The following PRMT3 variants were observed in gnomAD, a reference collection of about 807,000 sequenced individuals.
The protein encoded by PRMT3 is protein arginine methyltransferase 3.
Under a neutral mutation model 71.9 loss-of-function variants are expected in PRMT3, and 62 were observed. The ratio of observed to expected loss-of-function variants is 0.86; its 90% confidence interval spans 0.70 to 1.07. The LOEUF (loss-of-function observed/expected upper bound fraction) is 1.07. PRMT3 is among the 50% of genes least tolerant of loss of function. PRMT3 has a pLI of 0.00. For synonymous variants in PRMT3, 213 were observed against 220.4 expected, an observed-to-expected ratio of 0.97 and a Z score of 0.30; for missense variants, 663 against 643.0, an observed-to-expected ratio of 1.03 and a Z score of -0.34.
At chr11:20,453,232 G>T (rs1465760359) in intron 11 of PRMT3, among the ~76,000 whole-genome samples, 1 of 149,508 alleles carries the variant, frequency 6.7e-6, no homozygotes, top group South Asian at 2.1e-4. Flanking sequence ...TGTAATCCCA[G>T]CACTCTGAGA....
At chr11:20,497,495 G>A (rs1213724779) in intron 15 of PRMT3, among the ~76,000 whole-genome samples, 2 of 87,320 alleles carry the variant, frequency 2.3e-5, no homozygotes, top group African/African-American at 7.4e-5. Context: ...AGTTATGGGA[G>A]TATAAAGAAA....
At chr11:20,427,894 G>T (rs973827670) in intron 10 of PRMT3, among the ~76,000 whole-genome samples, 3 of 151,908 alleles carry the variant, frequency 2.0e-5, no homozygotes, top group Non-Finnish European at 4.4e-5. Context: ...AAAAAATTTT[G>T]AAAACATTGA....
At chr11:20,390,002 T>C (rs1185876244) in intron 3 of PRMT3, among the ~76,000 whole-genome samples, 176 bp downstream of exon 3, 2 of 152,052 alleles carry the variant, frequency 1.3e-5, no homozygotes, top group African/African-American at 4.8e-5. Flanking sequence ...AATACAAAAG[T>C]TATCTGGGTG....
chr11:20,473,959 C>T (rs984351147), intron 13 of PRMT3, among the ~76,000 whole-genome samples: 1 of 152,078 alleles, frequency 6.6e-6, no homozygotes, highest in African/African-American at 2.4e-5. Flanking sequence ...TAGGTCCATT[C>T]CAGACCCTAG....
chr11:20,418,162 A>G (rs1479963245), intron 9 of PRMT3, among the ~76,000 whole-genome samples: 1 of 152,192 alleles, frequency 6.6e-6, no homozygotes, highest in Non-Finnish European at 1.5e-5. Context: ...TGGATTAGTG[A>G]AGAGAATTAC....
intron 10 of PRMT3, among the ~76,000 whole-genome samples, chr11:20,439,049 G>T (rs1294416574): frequency 6.6e-6 from 1 of 152,152 alleles, no homozygotes; most frequent in Non-Finnish European, 1.5e-5. Context: ...GAGATGAAGG[G>T]GAGCCATGGC....
At chr11:20,446,299 C>G (rs1850026959) in intron 10 of PRMT3, among the ~76,000 whole-genome samples, 1 of 150,746 alleles carries the variant, frequency 6.6e-6, no homozygotes, top group African/African-American at 2.4e-5. Context: ...TATTTTTTGT[C>G]TTATGAAGTA....
chr11:20,489,769 G>GTT (rs1172524201), intron 13 of PRMT3, among the ~76,000 whole-genome samples: 2 of 144,778 alleles, frequency 1.4e-5, no homozygotes, highest in African/African-American at 5.1e-5. Flanking sequence ...AATTGAAGGG[G>GTT]TTTTTTTTTT....
At chr11:20,475,691 T>C (rs1850765647) in intron 13 of PRMT3, among the ~76,000 whole-genome samples, 1 of 150,216 alleles carries the variant, frequency 6.7e-6, no homozygotes, top group Admixed American at 6.7e-5. Context: ...TCTAGCTCTG[T>C]CTTCTGGGCT....
At chr11:20,404,489 C>G (rs908809746) in intron 8 of PRMT3, among the ~76,000 whole-genome samples, 1 of 151,986 alleles carries the variant, frequency 6.6e-6, no homozygotes, top group Non-Finnish European at 1.5e-5. Flanking sequence ...GCCTCGGCCT[C>G]CCAAAGTGCT....
chr11:20,436,397 C>G (rs1849761726), intron 10 of PRMT3, among the ~76,000 whole-genome samples: 1 of 152,120 alleles, frequency 6.6e-6, no homozygotes, highest in South Asian at 2.1e-4. Context: ...GAACTTGTCC[C>G]CATTCAGTAT....
chr11:20,467,573 A>G (rs1251006776), intron 13 of PRMT3, among the ~76,000 whole-genome samples: 1 of 151,906 alleles, frequency 6.6e-6, no homozygotes, highest in African/African-American at 2.4e-5. Context: ...CAAATAGTCC[A>G]GCAGTTGGAA....
intron 11 of PRMT3, 46 bp downstream of exon 11, chr11:20,452,254 G>A (rs1311051961): frequency 3.6e-6 from 5 of 1,393,632 alleles, no homozygotes; most frequent in Middle Eastern, 3.6e-4. Flanking sequence ...TAGTCTAGCA[G>A]AACCAGATGA....
At chr11:20,476,999 G>A (rs527967640) in intron 13 of PRMT3, among the ~76,000 whole-genome samples, 20 of 152,138 alleles carry the variant, frequency 1.3e-4, no homozygotes, top group African/African-American at 4.3e-4. Flanking sequence ...GCTAGCTAGC[G>A]GGAGGGGTCG....
chr11:20,497,075 T>A (rs1433956342), intron 15 of PRMT3, among the ~76,000 whole-genome samples: 2 of 152,226 alleles, frequency 1.3e-5, no homozygotes, highest in Admixed American at 6.5e-5. Context: ...AGCCATTTTG[T>A]CATCTTAATA....
chr11:20,452,310 A>G (rs1850168631), intron 11 of PRMT3, 102 bp downstream of exon 11: 1 of 874,858 alleles, frequency 1.1e-6, no homozygotes, highest in Non-Finnish European at 1.8e-6. Flanking sequence ...GAAGTTCCCG[A>G]TAGGGTTGAA....
intron 5 of PRMT3, among the ~76,000 whole-genome samples, chr11:20,394,365 A>G (rs1372227040): frequency 6.6e-6 from 1 of 152,212 alleles, no homozygotes; most frequent in Admixed American, 6.5e-5. Context: ...ACTTTAGTGT[A>G]TAGATTTCAC....
intron 11 of PRMT3, among the ~76,000 whole-genome samples, chr11:20,459,968 T>A (rs1850346517): frequency 6.6e-6 from 1 of 152,246 alleles, no homozygotes; most frequent in African/African-American, 2.4e-5. Flanking sequence ...CTGGTGCAGC[T>A]GGCATACATC....
chr11:20,500,814 GAAACT>G lies in PRMT3; in HGVS notation c.1486+6563_1486+6567del, dbSNP rs530293667. ...TATTTGAGACTTTGGAGTGGTTTAT[GAAACT>G]AAGATAGTGGCAACATTCGAACACA... is the stretch of plus-strand genomic sequence containing the variant. On this transcript the variant is annotated intron_variant, in intron 15 of 15. Coordinates refer to ENST00000331079, the MANE Select transcript of PRMT3 (RefSeq NM_005788.4). Among the ~76,000 whole-genome samples the G allele has an allele frequency of 7.2e-5, 11 of 152,294 alleles. No individual in the cohort carries two copies. The South Asian group carries it at 2.3e-3, about 32-fold the overall frequency.
Sources: allele counts gnomAD v4.1 joint callset (sites outside exome capture counted in the v4.1 genomes callset), GRCh38; gene constraint gnomAD v4.1.1; transcripts MANE v1.5; gene names NCBI Gene and HGNC (gene_info 2026-07-23, HGNC 2026-07-21).